ERFL: variants seen among roughly 807,000 people sequenced by gnomAD.
The protein encoded by ERFL is ETS repressor factor like, also known as ETS domain-containing transcription factor ERF-like.
A neutral mutation model predicts 27.9 loss-of-function variants in ERFL; 8 were observed. That is an observed-to-expected ratio of 0.29 (90% confidence interval 0.17 to 0.52). ERFL has a LOEUF of 0.52. ERFL is among the 20% of genes least tolerant of loss of function. The probability of loss-of-function intolerance (pLI) is 0.97; values close to 1 mark genes in which losing one functional copy is unlikely to be tolerated. For missense variants in ERFL, 294 were observed against 444.4 expected (o/e 0.66, Z 3.04); for synonymous variants, 174 against 202.8 (o/e 0.86, Z 1.21).
chr19:41,919,361 A>G (rs1487587998), intron 1 of ERFL, among the ~76,000 whole-genome samples: 1 of 152,160 alleles, frequency 6.6e-6, no homozygotes, highest in Non-Finnish European at 1.5e-5. Flanking sequence ...TAAACATGCA[A>G]CCACACAAAC....
intron 1 of ERFL, among the ~76,000 whole-genome samples, chr19:41,920,503 C>T (rs868938060): frequency 2.0e-5 from 3 of 151,166 alleles, no homozygotes; most frequent in Middle Eastern, 3.2e-3. Context: ...ACATGACGCA[C>T]TCAGACATGA....
chr19:41,909,733 G>T lies in ERFL; in HGVS notation c.302+130C>A. ...TCCCTTCCACTCACAAGTAGCGATGGTGGCTACTCACGCACAGCCCTGTGC... is the reference window on the plus strand; with the variant it reads ...TCCCTTCCACTCACAAGTAGCGATGTTGGCTACTCACGCACAGCCCTGTGC... On this transcript the variant is annotated intron_variant, in intron 3 of 5. Transcript: ENST00000597630. The surrounding 1 kb of genome is among the most constrained non-coding windows in gnomAD (Gnocchi z 5.2). 9.5e-7 allele frequency: 1 copy of T among 1,057,638 alleles called. No individual in the cohort carries two copies. The highest frequency in any genetic ancestry group is 1.3e-6 in the Non-Finnish European group (1 of 752,246). 65.5% of individuals were successfully genotyped at this position (1,057,638 alleles called of 1,614,324 possible).
intron 1 of ERFL, among the ~76,000 whole-genome samples, chr19:41,918,800 T>C: frequency 7.6e-6 from 1 of 131,388 alleles, no homozygotes; most frequent in African/African-American, 3.0e-5. Flanking sequence ...ATACACACCA[T>C]ACACACACAC....
At chr19:41,911,331 G>A (rs1373420931) in intron 2 of ERFL, among the ~76,000 whole-genome samples, 1 of 152,186 alleles carries the variant, frequency 6.6e-6, no homozygotes, top group Non-Finnish European at 1.5e-5. Context: ...AGAGACCCCA[G>A]ACCCAGGCAT....
At chr19:41,919,536 C>T (rs888837288) in intron 1 of ERFL, among the ~76,000 whole-genome samples, 117 of 152,026 alleles carry the variant, frequency 7.7e-4, no homozygotes, top group African/African-American at 2.5e-3. Flanking sequence ...CACACACACA[C>T]GTCCACATCT....
At chr19:41,914,409 A>C (rs1460362933) in intron 1 of ERFL, among the ~76,000 whole-genome samples, 5 of 132,814 alleles carry the variant, frequency 3.8e-5, no homozygotes, top group East Asian at 4.6e-4. Flanking sequence ...TCTCGTCTCC[A>C]TCTCCTCCTC....
At chr19:41,915,807 T>C (rs1199667649) in intron 1 of ERFL, among the ~76,000 whole-genome samples, 1 of 152,120 alleles carries the variant, frequency 6.6e-6, no homozygotes, top group African/African-American at 2.4e-5. Flanking sequence ...GATCGACTGA[T>C]GGAGGGAGCG....
chr19:41,925,995 C>T (rs1360321088), intron 1 of ERFL, among the ~76,000 whole-genome samples: 5 of 151,696 alleles, frequency 3.3e-5, no homozygotes, highest in Non-Finnish European at 7.4e-5. Context: ...TGAGTGTGTG[C>T]ATGTGTGGTG....
chr19:41,909,271 C>T lies in ERFL; in HGVS notation c.498+5G>A, dbSNP rs782068369. On this transcript the variant is annotated splice_donor_5th_base_variant and intron_variant, in intron 4 of 5. Transcript: ENST00000597630. This position sits in a 1 kb window ranked among gnomAD's most constrained non-coding sequence, Gnocchi z 5.2. The stretch of plus-strand genomic sequence containing the variant: ...CGGTTCCAGGACCCCAGTACCCAGA[C>T]TCACCTCAGGGGTGAGGGGAGGAGC... 13 of 1,232,504 alleles carry T rather than the reference C, an allele frequency of 1.1e-5. No homozygotes were observed. Among genetic ancestry groups the T allele is most frequent in the African/African-American group, 6.2e-5 (4 of 64,318 alleles). 76.3% of individuals were successfully genotyped at this position (1,232,504 alleles called of 1,614,324 possible). A position where few individuals can be genotyped will look rare whatever the true frequency, so the allele number is the denominator to read the frequency against.
In ERFL at chr19:41,921,319, T is replaced by C. The variant is rs117702841; in HGVS notation, c.-14+6721A>G. Among the ~76,000 whole-genome samples, 54 of 150,886 alleles carry C rather than the reference T, an allele frequency of 3.6e-4. No homozygotes were observed. In the East Asian group the frequency reaches 0.01, roughly 29 times the overall value. ...GACCGAGGGGGTGGAGCGTGATACA[T>C]GGAGAACTGAGAGGAAGCAGGAGTG... On this transcript the variant is annotated intron_variant, in intron 1 of 5. Transcript: ENST00000597630. This position sits in a 1 kb window ranked among gnomAD's most constrained non-coding sequence, Gnocchi z 4.4.
In ERFL at chr19:41,911,290, T is replaced by C. The variant is rs147578539; in HGVS notation, c.68-1193A>G. On this transcript the variant is annotated intron_variant, in intron 2 of 5. Transcript: ENST00000597630. The stretch of plus-strand genomic sequence containing the variant: ...GGTCCAACTTCTGTGTTCACTCTTA[T>C]GCCACATCCTCTGTCCCCTTCCCCC... Among the ~76,000 whole-genome samples, 236 of 152,332 alleles carry C rather than the reference T, an allele frequency of 1.5e-3. 1 individual carries two copies. The East Asian group carries it at 0.04, about 26-fold the overall frequency.
chr19:41,909,028 C>T lies in ERFL; in HGVS notation c.616+32G>A, dbSNP rs138216517. 1.7e-6 allele frequency: 2 copies of T among 1,177,084 alleles called. No homozygotes were observed. The highest frequency in any genetic ancestry group is 8.6e-5 in the South Asian group (2 of 23,168). The allele number at this position is 1,177,084 out of a possible 1,614,324, so 72.9% of individuals were successfully genotyped here. A position where few individuals can be genotyped will look rare whatever the true frequency, so the allele number is the denominator to read the frequency against. ...CAAGCCTGCAGCTTCTCCCACTGTG[C>T]CCCCAGCACCCCAGAACCTCCAGGC... is the stretch of plus-strand genomic sequence containing the variant. On this transcript the variant is annotated intron_variant, in intron 5 of 5. Transcript: ENST00000597630. The surrounding 1 kb of genome is among the most constrained non-coding windows in gnomAD (Gnocchi z 5.2).
intron 1 of ERFL, among the ~76,000 whole-genome samples, chr19:41,922,345 G>A (rs2074847366): frequency 6.6e-6 from 1 of 152,190 alleles, no homozygotes; most frequent in Admixed American, 6.5e-5. Flanking sequence ...GAGATCAAGG[G>A]ACAGAAATGA....
chr19:41,913,749 C>T (rs782491991), intron 1 of ERFL, among the ~76,000 whole-genome samples: 3 of 151,020 alleles, frequency 2.0e-5, no homozygotes, highest in Admixed American at 1.3e-4. Flanking sequence ...TACTCCATCC[C>T]CTCCTCACTC....
chr19:41,914,793 C>G (rs1226930449), intron 1 of ERFL, among the ~76,000 whole-genome samples: 3 of 46,568 alleles, frequency 6.4e-5, no homozygotes, highest in Non-Finnish European at 9.5e-5. Flanking sequence ...CTTCCACCGT[C>G]TCTGTCTCTC....
intron 1 of ERFL, among the ~76,000 whole-genome samples, chr19:41,925,751 T>G (rs1555853203): frequency 6.6e-6 from 1 of 151,938 alleles, no homozygotes; most frequent in African/African-American, 2.4e-5. Context: ...ACCTTGGAAG[T>G]CAGGTACAGG....
intron 1 of ERFL, among the ~76,000 whole-genome samples, chr19:41,919,944 C>T (rs144490774): frequency 6.2e-5 from 9 of 145,402 alleles, no homozygotes; most frequent in African/African-American, 2.0e-4. Context: ...ACATGATACG[C>T]CCAGACGTGA....
At chr19:41,926,288 G>A (rs1221463992) in intron 1 of ERFL, among the ~76,000 whole-genome samples, 3 of 152,080 alleles carry the variant, frequency 2.0e-5, no homozygotes, top group African/African-American at 4.8e-5. Flanking sequence ...AGGGGCAGGT[G>A]AGAGGAAATA....
chr19:41,915,932 A>G (rs113072662), intron 1 of ERFL, among the ~76,000 whole-genome samples: 40,790 of 142,320 alleles, frequency 0.29, 11,283 homozygotes, highest in African/African-American at 0.72. Context: ...ACAATCCCCC[A>G]CCCCCCTCCC....
Sources: allele counts gnomAD v4.1 joint callset (sites outside exome capture counted in the v4.1 genomes callset), GRCh38; gene constraint gnomAD v4.1.1; non-coding constraint Gnocchi (gnomAD v3.1); transcripts MANE v1.5; gene names NCBI Gene and HGNC (gene_info 2026-07-23, HGNC 2026-07-21).